The following PLD5 variants were observed in gnomAD, a reference collection of about 807,000 sequenced individuals.
PLD5 encodes phospholipase D family member 5, also known as inactive phospholipase D5.
PLD5 carries 36 observed loss-of-function variants against 61.1 expected under a neutral mutation model. That is an observed-to-expected ratio of 0.59 (90% CI 0.45 to 0.78). The LOEUF (loss-of-function observed/expected upper bound fraction) is 0.78. Ranked by LOEUF, PLD5 falls within the 30% of genes least tolerant of loss-of-function variation. The pLI, the probability that PLD5 is intolerant of heterozygous loss-of-function variation, is 0.00. For synonymous variants in PLD5, 243 were observed against 242.8 expected (o/e 1.00, Z -0.01); for missense variants, 515 against 644.4 (o/e 0.80, Z 2.17).
At chr1:242,405,654 T>G (rs987256043) in intron 1 of PLD5, among the ~76,000 whole-genome samples, 1 of 151,210 alleles carries the variant, frequency 6.6e-6, no homozygotes, top group Non-Finnish European at 1.5e-5. Context: ...CAGGCTGGAG[T>G]GCAATGGCAC....
chr1:242,298,002 T>C (rs1675811217), intron 2 of PLD5, among the ~76,000 whole-genome samples: 1 of 152,236 alleles, frequency 6.6e-6, no homozygotes, highest in South Asian at 2.1e-4. Flanking sequence ...TTATTCAAAT[T>C]GTTGCATATA....
At chr1:242,522,803 T>C (rs1669321326) in intron 1 of PLD5, among the ~76,000 whole-genome samples, 1 of 152,208 alleles carries the variant, frequency 6.6e-6, no homozygotes, top group Non-Finnish European at 1.5e-5. Flanking sequence ...CTTCAGCGAC[T>C]TCCATAGTCT....
chr1:242,177,500 C>T (rs573851329), intron 5 of PLD5, among the ~76,000 whole-genome samples: 3 of 152,170 alleles, frequency 2.0e-5, no homozygotes, highest in Admixed American at 6.5e-5. Flanking sequence ...ACCACCATGG[C>T]ACGTGTGTAC....
At chr1:242,174,240 A>G (rs1666966513) in intron 5 of PLD5, among the ~76,000 whole-genome samples, 1 of 152,236 alleles carries the variant, frequency 6.6e-6, no homozygotes, top group Non-Finnish European at 1.5e-5. Context: ...TGGGTGAAGG[A>G]TATGAACAGA....
At chr1:242,503,033 C>T (rs2102992085) in intron 1 of PLD5, among the ~76,000 whole-genome samples, 1 of 152,282 alleles carries the variant, frequency 6.6e-6, no homozygotes, top group South Asian at 2.1e-4. Context: ...TACACTCCAG[C>T]CTGGCAACAG....
intron 1 of PLD5, among the ~76,000 whole-genome samples, chr1:242,379,598 A>AT (rs1662166858): frequency 1.3e-5 from 2 of 151,916 alleles, no homozygotes; most frequent in African/African-American, 4.8e-5. Flanking sequence ...AGCCCTCTTC[A>AT]TTGCTTTTTG....
intron 5 of PLD5, among the ~76,000 whole-genome samples, chr1:242,151,093 A>G (rs1005466467): frequency 6.6e-6 from 1 of 151,808 alleles, no homozygotes; most frequent in African/African-American, 2.4e-5. Flanking sequence ...TATACTTTCA[A>G]TTCCTCCCTC....
chr1:242,212,287 A>G (rs1001524792), intron 5 of PLD5, among the ~76,000 whole-genome samples: 2 of 152,268 alleles, frequency 1.3e-5, no homozygotes, highest in African/African-American at 4.8e-5. Flanking sequence ...AGCAAGCAGC[A>G]TTAAAAGGGG....
chr1:242,323,203 A>G (rs1277663533), intron 2 of PLD5, among the ~76,000 whole-genome samples: 1 of 151,810 alleles, frequency 6.6e-6, no homozygotes, highest in Non-Finnish European at 1.5e-5. Flanking sequence ...AGACAAGGGG[A>G]AAAAAAAGAA....
At position 242,231,939 on chromosome 1, in the gene PLD5, GA is replaced by G. The variant is rs985277684; in HGVS notation, c.608-11825del. Among the ~76,000 whole-genome samples, 269 of 111,560 alleles carry G rather than the reference GA, an allele frequency of 2.4e-3. 2 individuals are homozygous for G. In the Middle Eastern group the frequency reaches 0.028, roughly 12 times the overall value. The allele number at this position is 111,560 out of a possible 152,430, so 73.2% of individuals were successfully genotyped here. On this transcript the variant is annotated intron_variant, in intron 4 of 9. Coordinates refer to ENST00000536534, the MANE Select transcript of PLD5 (RefSeq NM_001372062.1). Reference sequence around the variant, plus strand: ...TAAAAGGGATCTCTTTTAAAATAAGGAAAAAAAAAAAAAGAAAGAAAAAGAA... The same window carrying G: ...TAAAAGGGATCTCTTTTAAAATAAGGAAAAAAAAAAAAGAAAGAAAAAGAA...
At chr1:242,133,485 G>A (rs771506979) in intron 5 of PLD5, among the ~76,000 whole-genome samples, 5 of 152,032 alleles carry the variant, frequency 3.3e-5, no homozygotes, top group Non-Finnish European at 7.4e-5. Context: ...TGCGCATTTT[G>A]TCCAATTCTT....
rs140327365 is a variant in PLD5, at chr1:242,277,844, G to A, written c.495+10518C>T. Among the ~76,000 whole-genome samples the A allele has an allele frequency of 6.6e-3, 1,011 of 152,146 alleles. 13 individuals are homozygous for A. Among genetic ancestry groups the A allele is most frequent in the African/African-American group, 0.023 (948 of 41,522 alleles). Reference sequence around the variant, plus strand: ...CTGAAAATACAAAAATTAGCCAGGCGTGGTGGTGCACACCTGTACTCTCAG... The same window carrying A: ...CTGAAAATACAAAAATTAGCCAGGCATGGTGGTGCACACCTGTACTCTCAG... On this transcript the variant is annotated intron_variant, in intron 3 of 9. Transcript: ENST00000536534.
chr1:242,208,021 C>CACACACAT (rs1302358189), intron 5 of PLD5, among the ~76,000 whole-genome samples: 1 of 140,128 alleles, frequency 7.1e-6, no homozygotes, highest in East Asian at 2.0e-4. Context: ...CACACACACA[C>CACACACAT]ACATACATAT....
chr1:242,359,875 T>G (rs1660973110), intron 1 of PLD5, among the ~76,000 whole-genome samples: 1 of 152,196 alleles, frequency 6.6e-6, no homozygotes, highest in Admixed American at 6.5e-5. Flanking sequence ...ACACCTGTAT[T>G]TACATGCCTC....
intron 1 of PLD5, among the ~76,000 whole-genome samples, chr1:242,515,173 A>G (rs371316394): frequency 9.2e-5 from 14 of 151,898 alleles, no homozygotes; most frequent in African/African-American, 2.4e-4. Context: ...TCCTAGTTCC[A>G]TGCTTCAGCT....
chr1:242,303,186 T>C (rs1244090463), intron 2 of PLD5, among the ~76,000 whole-genome samples: 1 of 152,216 alleles, frequency 6.6e-6, no homozygotes, highest in Non-Finnish European at 1.5e-5. Context: ...AGAAAAGTTA[T>C]AGCCAAAATA....
At chr1:242,366,059 A>G (rs954427829) in intron 1 of PLD5, among the ~76,000 whole-genome samples, 2 of 152,240 alleles carry the variant, frequency 1.3e-5, no homozygotes, top group Non-Finnish European at 2.9e-5. Flanking sequence ...CACCATATAA[A>G]AATGAAAAAA....
At chr1:242,153,266 A>T (rs1332230070) in intron 5 of PLD5, among the ~76,000 whole-genome samples, 2 of 151,962 alleles carry the variant, frequency 1.3e-5, no homozygotes, top group East Asian at 3.9e-4. Flanking sequence ...TGTCAGATGG[A>T]TAGATTGCAA....
At chr1:242,500,768 G>A (rs578255036) in intron 1 of PLD5, among the ~76,000 whole-genome samples, 4 of 151,666 alleles carry the variant, frequency 2.6e-5, no homozygotes, top group African/African-American at 7.3e-5. Context: ...CCGTAATAAG[G>A]TGGACTATGA....
Sources: gnomAD v4.1 joint callset for allele counts (sites outside exome capture counted in the v4.1 genomes callset) on GRCh38, gnomAD v4.1.1 for gene constraint, MANE v1.5 for transcripts, NCBI Gene and HGNC (gene_info 2026-07-23, HGNC 2026-07-21) for gene names.